CASP6: variants seen among roughly 807,000 people sequenced by gnomAD.
CASP6 encodes the protein caspase 6, also known as caspase-6.
Under a neutral mutation model 31.8 loss-of-function variants are expected in CASP6, and 20 were observed. The ratio of observed to expected loss-of-function variants is 0.63; its 90% CI spans 0.44 to 0.91. CASP6 has a LOEUF of 0.91. CASP6 is among the 40% of genes least tolerant of loss of function. CASP6 has a pLI of 0.00. For synonymous variants in CASP6, 130 were observed against 127.8 expected (o/e 1.02, Z -0.12); for missense variants, 328 against 361.1 (o/e 0.91, Z 0.74).
Position 109,698,303 on chromosome 4 carries a change from T to G in CASP6, c.80A>C (p.Lys27Thr). ...TTAGAAAAGAGCACAGCTTTACCTT[T>G]TATAGAAGGCATCTGTTTCTGTCAT... ...ENMTETDAFY[K>T]REMFDPAEKY... The change falls in exon 2 of 7, where the codon AAA becomes ACA. Residue 27 changes from lysine (K) to threonine (T), a missense_variant. Physicochemically the swap from Lys to Thr is moderately conservative, Grantham distance 78. Transcript: ENST00000265164. 1 of 1,610,726 alleles carries G rather than the reference T, an allele frequency of 6.2e-7. No homozygotes were observed. Among genetic ancestry groups the G allele is most frequent in the South Asian group, 1.1e-5 (1 of 90,150 alleles).
At chr4:109,676,950 C>T in the CASP6 span, among the ~76,000 whole-genome samples, 2 of 152,222 alleles carry the variant, frequency 1.3e-5, no homozygotes, top group Non-Finnish European at 2.9e-5. Flanking sequence ...GAATCCAGAA[C>T]TTTAGAGCTA....
intron 4 of CASP6, among the ~76,000 whole-genome samples, chr4:109,695,611 C>G (rs905545467): frequency 6.6e-6 from 1 of 151,938 alleles, no homozygotes; most frequent in Non-Finnish European, 1.5e-5. Flanking sequence ...CAAAAATTAG[C>G]TGGGCATGGG....
At chr4:109,679,266 A>G in the CASP6 span, among the ~76,000 whole-genome samples, 1 of 152,206 alleles carries the variant, frequency 6.6e-6, no homozygotes, top group Non-Finnish European at 1.5e-5. Flanking sequence ...CAGAGGCTGT[A>G]ATCTTAGCAC....
At chr4:109,706,004 ATAT>A (rs1730597889), upstream of CASP6, among the ~76,000 whole-genome samples, 408 of 43,986 alleles carry the variant, frequency 9.3e-3, 4 homozygotes, top group Non-Finnish European at 0.012. Flanking sequence ...AAAAAAAAAT[ATAT>A]ATATATATAT....
At chr4:109,695,094 G>A (rs1252371900) in intron 4 of CASP6, among the ~76,000 whole-genome samples, 1 of 152,106 alleles carries the variant, frequency 6.6e-6, no homozygotes, top group African/African-American at 2.4e-5. Flanking sequence ...GCCTCCCAAA[G>A]TGCTGGGATT....
In CASP6 at chr4:109,689,290, A is replaced by AT. The variant is rs764699334; in HGVS notation, c.*39dup. The AT allele has an allele frequency of 1.3e-6, 2 of 1,589,020 alleles. No individual in the cohort carries two copies. The highest frequency in any genetic ancestry group is 1.7e-6 in the Non-Finnish European group (2 of 1,159,454). On this transcript the variant is annotated 3_prime_UTR_variant, in exon 7 of 7. Coordinates refer to ENST00000265164, the MANE Select transcript of CASP6 (RefSeq NM_001226.4). ...GTAACCACGCCTGGCTGAGAAAGCC[A>AT]TTTTCAATACAGAGTGTAAAATTAG...
chr4:109,684,065 C>CTTTTTTTTTTTTTT (rs71595507), downstream of CASP6, among the ~76,000 whole-genome samples: 1 of 140,050 alleles, frequency 7.1e-6, no homozygotes. Context: ...TTCCTCTTTT[C>CTTTTTTTTTTTTTT]TTTTTTTTTT....
chr4:109,690,746 C>T, intron 6 of CASP6, 104 bp downstream of exon 6: 1 of 1,192,168 alleles, frequency 8.4e-7, no homozygotes, highest in South Asian at 1.6e-5. Flanking sequence ...AGGATGGAAT[C>T]ACCATGTCCC....
At chr4:109,690,057 C>G (rs1216855893) in intron 6 of CASP6, among the ~76,000 whole-genome samples, 1 of 151,478 alleles carries the variant, frequency 6.6e-6, no homozygotes, top group African/African-American at 2.4e-5. Flanking sequence ...TGGTGGCAGG[C>G]ACCTGTATTC....
the CASP6 span, chr4:109,682,610 G>A: frequency 6.2e-7 from 1 of 1,613,098 alleles, no homozygotes; most frequent in Non-Finnish European, 8.5e-7. Flanking sequence ...ACACTGCTGA[G>A]ATGGAACACA....
downstream of CASP6, chr4:109,685,238 C>CT (rs3214165): frequency 0.59 from 523,564 of 892,372 alleles, 134,935 homozygotes; most frequent in African/African-American, 0.76. Flanking sequence ...TTCTCTCTCT[C>CT]TTTTTTTTTA....
At chr4:109,697,942 C>T (rs1427582383) in intron 2 of CASP6, among the ~76,000 whole-genome samples, 174 bp from the exon 3 acceptor site, 2 of 152,196 alleles carry the variant, frequency 1.3e-5, no homozygotes, top group Non-Finnish European at 2.9e-5. Context: ...AAATATCTCT[C>T]TGCCAATTGG....
downstream of CASP6, among the ~76,000 whole-genome samples, chr4:109,685,624 C>G (rs559320217): frequency 6.6e-6 from 1 of 152,270 alleles, no homozygotes; most frequent in Middle Eastern, 3.4e-3. Context: ...TAAAAGTTTT[C>G]ACTGGAAATC....
the CASP6 span, among the ~76,000 whole-genome samples, chr4:109,678,334 C>T: frequency 1.2e-4 from 18 of 152,148 alleles, no homozygotes; most frequent in East Asian, 1.9e-4. Context: ...GCTGTCTCTT[C>T]GGAGCTGTTG....
At chr4:109,687,891 G>T, downstream of CASP6, 1 of 266,494 alleles carries the variant, frequency 3.8e-6, no homozygotes, top group Non-Finnish European at 7.0e-6. Flanking sequence ...TCTGTGCTTG[G>T]CATTCACTTC....
At chr4:109,674,178 T>A in the CASP6 span, 6 of 866,588 alleles carry the variant, frequency 6.9e-6, no homozygotes, top group Non-Finnish European at 1.2e-5. Flanking sequence ...CGTCTCATTA[T>A]TGAAGTTACC....
chr4:109,686,491 TATA>T (rs1446056109), downstream of CASP6, among the ~76,000 whole-genome samples: 3 of 152,180 alleles, frequency 2.0e-5, no homozygotes, highest in Admixed American at 1.3e-4. Flanking sequence ...ATAGGAAAAA[TATA>T]ATGCTTTTAA....
At position 109,703,441 on chromosome 4, in the gene CASP6, G is replaced by A. The variant is rs1730497184; in HGVS notation, c.-46C>T. 3 of 1,601,318 alleles carry A rather than the reference G, an allele frequency of 1.9e-6. No individual in the cohort carries two copies. Among genetic ancestry groups the A allele is most frequent in the African/African-American group, 2.7e-5 (2 of 74,664 alleles). On this transcript the variant is annotated 5_prime_UTR_variant, in exon 1 of 7. Transcript: ENST00000265164. ...GACACCTTGCCCTCCTCTTCCTGAA[G>A]CCACAGGCTCCCGGGCCCGGCCCCG...
downstream of CASP6, among the ~76,000 whole-genome samples, chr4:109,686,765 A>C (rs1220868365): frequency 6.6e-6 from 1 of 152,204 alleles, no homozygotes; most frequent in Non-Finnish European, 1.5e-5. Context: ...AGCCCTAGCT[A>C]CTTGGGAAGC....
Sources: allele counts gnomAD v4.1 joint callset (sites outside exome capture counted in the v4.1 genomes callset), GRCh38; gene constraint gnomAD v4.1.1; transcripts MANE v1.5; gene names NCBI Gene and HGNC (gene_info 2026-07-23, HGNC 2026-07-21).